Variants in SGCD observed in about 807,000 individuals in gnomAD.
SGCD encodes the protein delta-sarcoglycan.
A neutral mutation model predicts 36.6 loss-of-function variants in SGCD; 18 were observed. That is an observed-to-expected ratio of 0.49 (90% CI 0.34 to 0.73). The LOEUF is 0.73. Ranked by LOEUF, SGCD falls within the 30% of genes least tolerant of loss-of-function variation. The probability of loss-of-function intolerance (pLI) is 0.01; values close to 1 mark genes in which losing one functional copy is unlikely to be tolerated. For missense variants in SGCD, 387 were observed against 346.7 expected (o/e 1.12, Z -0.92); for synonymous variants, 133 against 130.6 (o/e 1.02, Z -0.12).
At chr5:155,855,564 G>A in the SGCD span, among the ~76,000 whole-genome samples, 1 of 152,128 alleles carries the variant, frequency 6.6e-6, no homozygotes, top group Non-Finnish European at 1.5e-5. Flanking sequence ...ATATATCATT[G>A]ATGTTGAACC....
At chr5:156,488,466 T>G (rs1363110295) in intron 3 of SGCD, among the ~76,000 whole-genome samples, 1 of 151,980 alleles carries the variant, frequency 6.6e-6, no homozygotes, top group Non-Finnish European at 1.5e-5. Flanking sequence ...TTTCTCCATA[T>G]AAATCTTACA....
At chr5:156,271,665 C>CT (rs1005738948) in intron 3 of SGCD, among the ~76,000 whole-genome samples, 2 of 151,952 alleles carry the variant, frequency 1.3e-5, no homozygotes, top group Non-Finnish European at 2.9e-5. Flanking sequence ...GAGAGTGTGA[C>CT]TTTTTTTCAC....
At chr5:156,056,653 A>AAAAAAAAAAAAAAAAC (rs1760068573) in intron 1 of SGCD, among the ~76,000 whole-genome samples, 1 of 136,478 alleles carries the variant, frequency 7.3e-6, no homozygotes, top group African/African-American at 2.9e-5. Flanking sequence ...CTTAAAAAAA[A>AAAAAAAAAAAAAAAAC]AAAAAAAAAA....
chr5:155,836,893 A>G, the SGCD span, among the ~76,000 whole-genome samples: 1 of 152,166 alleles, frequency 6.6e-6, no homozygotes, highest in Admixed American at 6.5e-5. Flanking sequence ...TCTTAAGGGC[A>G]GTGGAGTAGC....
intron 7 of SGCD, among the ~76,000 whole-genome samples, chr5:156,701,076 C>T (rs1177401556): frequency 6.6e-6 from 1 of 152,132 alleles, no homozygotes; most frequent in Non-Finnish European, 1.5e-5. Flanking sequence ...TACCATCCCT[C>T]TGCTGATGAC....
intron 1 of SGCD, among the ~76,000 whole-genome samples, chr5:155,875,879 A>G (rs1275309543): frequency 6.6e-6 from 1 of 152,058 alleles, no homozygotes; most frequent in Non-Finnish European, 1.5e-5. Context: ...GTAGCTTTGT[A>G]ACAGTGCATA....
At chr5:156,419,335 C>T (rs1282827957) in intron 3 of SGCD, among the ~76,000 whole-genome samples, 1 of 152,106 alleles carries the variant, frequency 6.6e-6, no homozygotes, top group Non-Finnish European at 1.5e-5. Context: ...CTGGGACTTC[C>T]TACCTTTTTC....
At chr5:156,201,976 A>C (rs1421280982) in intron 3 of SGCD, among the ~76,000 whole-genome samples, 1 of 152,164 alleles carries the variant, frequency 6.6e-6, no homozygotes, top group Admixed American at 6.6e-5. Context: ...CCTGACTTCC[A>C]AAACAGCTTT....
intron 3 of SGCD, among the ~76,000 whole-genome samples, chr5:156,266,300 G>T (rs1050276111): frequency 6.6e-6 from 1 of 152,268 alleles, no homozygotes; most frequent in East Asian, 1.9e-4. Flanking sequence ...TACAAATACA[G>T]CCTAACATGG....
rs1030806247 is a variant in SGCD, at chr5:156,651,802, A to G, written c.575+4266A>G. The stretch of plus-strand genomic sequence containing the variant: ...TTTTTGGTTCCATATGAATTTTAGA[A>G]TTTTTTTTTTCTAATTCTGTGAAAA... On this transcript the variant is annotated intron_variant, in intron 7 of 8. Coordinates refer to ENST00000337851, the MANE Select transcript of SGCD (RefSeq NM_000337.6). Among the ~76,000 whole-genome samples, 6 of 150,224 alleles carry G rather than the reference A, an allele frequency of 4.0e-5. No individual in the cohort carries two copies. In the East Asian group the frequency reaches 7.8e-4, roughly 20 times the overall value.
chr5:156,047,276 C>T lies in SGCD; in HGVS notation c.-281-70602C>T, dbSNP rs770510100. Among the ~76,000 whole-genome samples, 33 of 152,080 alleles carry T rather than the reference C, an allele frequency of 2.2e-4. 1 individual carries two copies. Among genetic ancestry groups the T allele is most frequent in the Non-Finnish European group, 4.3e-4 (29 of 67,978 alleles). On this transcript the variant is annotated intron_variant, in intron 1 of 9. Transcript: ENST00000517913. ...TGATGGAGAAGCTACATAAGTTATC[C>T]GGAAAATCCACGCAAGATCATCGAT...
intron 1 of SGCD, among the ~76,000 whole-genome samples, chr5:155,941,991 G>C (rs967907892): frequency 1.3e-5 from 2 of 152,164 alleles, no homozygotes; most frequent in Non-Finnish European, 2.9e-5. Flanking sequence ...AAAATGCTCA[G>C]ATCTAATGGA....
upstream of SGCD, among the ~76,000 whole-genome samples, chr5:155,866,870 G>A (rs1368994175): frequency 6.6e-6 from 1 of 152,048 alleles, no homozygotes; most frequent in African/African-American, 2.4e-5. Flanking sequence ...CGTACACAAT[G>A]GTAGACTTTA....
At chr5:156,480,124 C>G (rs1342551972) in intron 3 of SGCD, among the ~76,000 whole-genome samples, 1 of 152,158 alleles carries the variant, frequency 6.6e-6, no homozygotes. Context: ...TGAGCATGTT[C>G]CCTTGGTCTT....
chr5:156,058,181 C>A (rs759757466), intron 1 of SGCD, among the ~76,000 whole-genome samples: 1 of 145,764 alleles, frequency 6.9e-6, no homozygotes, highest in East Asian at 1.9e-4. Flanking sequence ...TCTGAGCAAG[C>A]CTTTAGATAT....
the SGCD span, among the ~76,000 whole-genome samples, chr5:155,854,526 G>T: frequency 6.6e-6 from 1 of 152,010 alleles, no homozygotes; most frequent in Admixed American, 6.6e-5. Context: ...TCCTATATCT[G>T]ATTTAAATTC....
At chr5:156,485,320 G>A (rs1005709878) in intron 3 of SGCD, among the ~76,000 whole-genome samples, 2 of 152,154 alleles carry the variant, frequency 1.3e-5, no homozygotes, top group African/African-American at 4.8e-5. Context: ...AGTATATAGA[G>A]AGAGCCATTA....
chr5:156,397,285 CAA>C (rs1335192827), intron 3 of SGCD, among the ~76,000 whole-genome samples: 2 of 152,066 alleles, frequency 1.3e-5, no homozygotes, highest in African/African-American at 2.4e-5. Flanking sequence ...TATAAAGGAT[CAA>C]AGAGTAAAAG....
At chr5:156,071,172 G>T (rs1370328986) in intron 1 of SGCD, among the ~76,000 whole-genome samples, 2 of 152,092 alleles carry the variant, frequency 1.3e-5, no homozygotes, top group South Asian at 2.1e-4. Context: ...CCTTCTGCTA[G>T]CTTTTGAATG....
Sources: allele counts gnomAD v4.1 joint callset (sites outside exome capture counted in the v4.1 genomes callset), GRCh38; gene constraint gnomAD v4.1.1; transcripts MANE v1.5; gene names NCBI Gene and HGNC (gene_info 2026-07-23, HGNC 2026-07-21).